ADCY9: variants seen among roughly 807,000 people sequenced by gnomAD.
ADCY9 encodes the protein adenylate cyclase 9.
Under a neutral mutation model 101.5 loss-of-function variants are expected in ADCY9, and 50 were observed. The observed-to-expected ratio is 0.49, with a 90% CI of 0.39 to 0.62. The LOEUF is 0.62. ADCY9 is among the 20% of genes least tolerant of loss of function. The pLI is 0.00. For missense variants in ADCY9, 1,662 were observed against 1,800.4 expected (o/e 0.92, Z 1.39); for synonymous variants, 905 against 769.3 (o/e 1.18, Z -2.92).
At chr16:3,956,962 TA>T (rs1293165583) in intron 5 of ADCY9, among the ~76,000 whole-genome samples, 1 of 152,162 alleles carries the variant, frequency 6.6e-6, no homozygotes, top group Non-Finnish European at 1.5e-5. Flanking sequence ...CACTAGATAA[TA>T]AATATTCCAC....
intron 2 of ADCY9, among the ~76,000 whole-genome samples, chr16:4,024,440 A>G (rs2141744678): frequency 6.6e-6 from 1 of 152,362 alleles, no homozygotes; most frequent in African/African-American, 2.4e-5. Context: ...GTCTTATTGT[A>G]CGACGTCAAG....
intron 6 of ADCY9, among the ~76,000 whole-genome samples, chr16:3,985,982 G>GTT (rs112037426): frequency 2.6e-5 from 4 of 151,740 alleles, no homozygotes; most frequent in African/African-American, 9.7e-5. Context: ...CTCCCCATGG[G>GTT]CGAAACCCAG....
At chr16:4,094,700 TAATAC>T (rs2056992282) in intron 2 of ADCY9, among the ~76,000 whole-genome samples, 1 of 151,324 alleles carries the variant, frequency 6.6e-6, no homozygotes, top group South Asian at 2.1e-4. Context: ...TTGAGGAGAT[TAATAC>T]AATATAATAA....
intron 2 of ADCY9, among the ~76,000 whole-genome samples, chr16:4,110,160 G>A (rs768562897): frequency 2.0e-5 from 3 of 152,148 alleles, no homozygotes; most frequent in African/African-American, 4.8e-5. Context: ...AACTATTAAC[G>A]CAGGTCAGAC....
At chr16:4,097,416 G>A (rs1037610997) in intron 2 of ADCY9, among the ~76,000 whole-genome samples, 9 of 135,812 alleles carry the variant, frequency 6.6e-5, no homozygotes, top group Non-Finnish European at 1.1e-4. Context: ...TTTGGGGTGT[G>A]GTTTCACACA....
intron 2 of ADCY9, among the ~76,000 whole-genome samples, chr16:4,031,768 TC>T (rs1182102490): frequency 6.6e-6 from 1 of 151,668 alleles, no homozygotes; most frequent in Admixed American, 6.6e-5. Flanking sequence ...TTCCAGTTCC[TC>T]AGGGGGCAGA....
rs530097796 is a variant in ADCY9 at position 4,026,757 on chromosome 16, T to A, written c.1694-19199A>T. On this transcript the variant is annotated intron_variant, in intron 2 of 10. Coordinates refer to ENST00000294016, the MANE Select transcript of ADCY9 (RefSeq NM_001116.4). Reference sequence around the variant, plus strand: ...ACCAGTCTTCAAAGGGTACATGCTGTGTGGTTCCATTTTAATGACAGGCTC... The same window carrying A: ...ACCAGTCTTCAAAGGGTACATGCTGAGTGGTTCCATTTTAATGACAGGCTC... Among the ~76,000 whole-genome samples the A allele has an allele frequency of 2.8e-4, 43 of 152,266 alleles. No homozygotes were observed. In the South Asian group the frequency reaches 8.5e-3, roughly 30 times the overall value.
At chr16:4,096,317 G>A (rs1418244142) in intron 2 of ADCY9, among the ~76,000 whole-genome samples, 2 of 152,274 alleles carry the variant, frequency 1.3e-5, no homozygotes, top group African/African-American at 4.8e-5. Context: ...GACAATGGTG[G>A]AGATTTTAAG....
At position 3,957,528 on chromosome 16, in the gene ADCY9, T is replaced by G. The variant is rs1337419407; in HGVS notation, c.568-4012A>C. 1.3e-5 allele frequency among the ~76,000 whole-genome samples: 2 copies of G among 151,440 alleles called. 1 individual carries two copies. The highest frequency in any genetic ancestry group is 2.9e-5 in the Non-Finnish European group (2 of 67,904). ...ATGGGGGTGGAGGCCACAGGCGGAG[T>G]GCAGAACCGTGGCATCCTGGGGCTT... is the stretch of plus-strand genomic sequence containing the variant. On this transcript the variant is annotated intron_variant, in intron 5 of 5. Transcript: ENST00000576936.
At chr16:4,058,966 A>G (rs751071893) in intron 2 of ADCY9, among the ~76,000 whole-genome samples, 4 of 152,236 alleles carry the variant, frequency 2.6e-5, no homozygotes, top group Non-Finnish European at 4.4e-5. Flanking sequence ...AAAGCTTGGA[A>G]AGCAAGTCAC....
rs2057132189 is a variant in ADCY9 at position 4,114,180 on chromosome 16, A to G, written c.1263T>C (p.Asp421=). 6.2e-7 allele frequency: 1 copy of G among 1,613,880 alleles called. No homozygotes were observed. The highest frequency in any genetic ancestry group is 2.2e-5 in the East Asian group (1 of 44,882). ...ACAGGCGGTCGAAGCGACCGAACAGATCGTTCAGGAGACCCACCAGGGCGT... is the reference window on the plus strand; with the variant it reads ...ACAGGCGGTCGAAGCGACCGAACAGGTCGTTCAGGAGACCCACCAGGGCGT... The part of the protein sequence containing the change: ...SAHALVGLLN[D]LFGRFDRLCE... The change falls in exon 2 of 11, where the codon GAT becomes GAC. Residue 421 remains aspartate, a synonymous_variant. Transcript: ENST00000294016. The surrounding 1 kb of genome is among the most constrained non-coding windows in gnomAD (Gnocchi z 4.3).
intron 3 of ADCY9, among the ~76,000 whole-genome samples, chr16:4,003,553 TCTTTC>T (rs1395303511): frequency 7.7e-5 from 11 of 142,478 alleles, no homozygotes; most frequent in African/African-American, 2.8e-4. Context: ...GTGTGTTTGC[TCTTTC>T]TTTTCTTTTT....
chr16:4,082,677 C>T (rs2056911527), intron 2 of ADCY9, among the ~76,000 whole-genome samples: 1 of 148,812 alleles, frequency 6.7e-6, no homozygotes, highest in Non-Finnish European at 1.5e-5. Flanking sequence ...CATGCACACC[C>T]ATGCATGCAT....
chr16:4,056,928 A>T (rs949823401), intron 2 of ADCY9, among the ~76,000 whole-genome samples: 2 of 151,712 alleles, frequency 1.3e-5, no homozygotes, highest in African/African-American at 4.8e-5. Context: ...TGTGAGTGCA[A>T]ATTGCTAAAG....
At chr16:4,044,326 AAC>A (rs1203628391) in intron 2 of ADCY9, among the ~76,000 whole-genome samples, 7 of 152,134 alleles carry the variant, frequency 4.6e-5, no homozygotes, top group East Asian at 1.9e-4. Flanking sequence ...CATCCTGAGC[AAC>A]AGAGTGAGAC....
intron 2 of ADCY9, among the ~76,000 whole-genome samples, chr16:4,059,325 G>C (rs1443972052): frequency 2.1e-5 from 3 of 144,364 alleles, no homozygotes; most frequent in Non-Finnish European, 4.5e-5. Context: ...AGGCTGCAGT[G>C]AGCCGAGATC....
At chr16:4,011,158 C>T (rs1053949480) in intron 2 of ADCY9, among the ~76,000 whole-genome samples, 8 of 152,054 alleles carry the variant, frequency 5.3e-5, no homozygotes, top group East Asian at 1.9e-4. Context: ...AGGCCAGGGG[C>T]GGGGGTGGCT....
At chr16:4,076,027 C>T (rs147791415) in intron 2 of ADCY9, among the ~76,000 whole-genome samples, 28 of 152,230 alleles carry the variant, frequency 1.8e-4, no homozygotes, top group African/African-American at 6.5e-4. Flanking sequence ...AACGTGATGA[C>T]AGAGCAAATG....
chr16:3,989,568 C>T (rs745939463), intron 5 of ADCY9, among the ~76,000 whole-genome samples: 23 of 152,220 alleles, frequency 1.5e-4, no homozygotes, highest in African/African-American at 5.5e-4. Context: ...TTAGCAGACG[C>T]GGGGTTTCAC....
Sources: allele counts gnomAD v4.1 joint callset (sites outside exome capture counted in the v4.1 genomes callset), GRCh38; gene constraint gnomAD v4.1.1; non-coding constraint Gnocchi (gnomAD v3.1); transcripts MANE v1.5; gene names NCBI Gene and HGNC (gene_info 2026-07-23, HGNC 2026-07-21).